The following MYH11 variants were observed in gnomAD, a reference collection of about 807,000 sequenced individuals.
MYH11 encodes myosin-11.
Under a neutral mutation model 246.6 loss-of-function variants are expected in MYH11, and 80 were observed. That is an observed-to-expected ratio of 0.32 (90% CI 0.27 to 0.39). The LOEUF (loss-of-function observed/expected upper bound fraction) is 0.39. Ranked by LOEUF, MYH11 falls within the 10% of genes least tolerant of loss-of-function variation. MYH11 has a pLI of 1.00. For synonymous variants in MYH11, 1,071 were observed against 1,015.5 expected (o/e 1.05, Z -1.04); for missense variants, 2,158 against 2,546.8 (o/e 0.85, Z 3.29).
intron 20 of MYH11, 183 bp from the exon 21 acceptor site, chr16:15,742,074 G>T: frequency 1.2e-6 from 1 of 860,208 alleles, no homozygotes; most frequent in Non-Finnish European, 1.9e-6. Context: ...GGCATCCAGT[G>T]GGTAGAGGCC....
At chr16:15,710,123 C>T (rs76812671) in intron 40 of MYH11, among the ~76,000 whole-genome samples, 3,447 of 152,228 alleles carry the variant, frequency 0.023, 133 homozygotes, top group African/African-American at 0.079. Context: ...GTATTCGTGT[C>T]GGAACTGGCA....
At chr16:15,728,433 C>T (rs1054230375) in intron 27 of MYH11, among the ~76,000 whole-genome samples, 1 of 152,198 alleles carries the variant, frequency 6.6e-6, no homozygotes, top group Non-Finnish European at 1.5e-5. Context: ...TTCAAGGCAA[C>T]AATCTGCCAC....
In MYH11 at chr16:15,738,653, TAA is replaced by T; in HGVS notation, c.3031_3032del (p.Leu1011AsnfsTer22). The part of the protein sequence containing the change: ...RKLLEERISD[L>X]TTNLAEEEEK... ...CTTCCTCTTCTGCAAGATTTGTCGT[TAA>T]GTCACTAATCCTCTCCTCAAGGAGT... is the stretch of plus-strand genomic sequence containing the variant. On this transcript the variant is annotated frameshift_variant, in exon 24 of 41. Coordinates refer to ENST00000300036, the MANE Select transcript of MYH11 (RefSeq NM_002474.3). LOFTEE classifies it high-confidence loss of function. 6.2e-7 allele frequency: 1 copy of T among 1,614,084 alleles called. No homozygotes were observed. Among genetic ancestry groups the T allele is most frequent in the Non-Finnish European group, 8.5e-7 (1 of 1,179,940 alleles).
At chr16:15,726,788 T>TC in intron 28 of MYH11, 60 bp downstream of exon 28, 1 of 1,596,368 alleles carries the variant, frequency 6.3e-7, no homozygotes, top group Middle Eastern at 1.7e-4. Flanking sequence ...AAGAGGCTCC[T>TC]CCCCACAGAA....
intron 3 of MYH11, among the ~76,000 whole-genome samples, chr16:15,811,425 C>T (rs1410240287): frequency 1.3e-5 from 2 of 152,108 alleles, no homozygotes; most frequent in Non-Finnish European, 2.9e-5. Context: ...AAGCTGGGTC[C>T]CCAGGTTTGA....
chr16:15,755,353 C>A (rs1279041649), intron 14 of MYH11, among the ~76,000 whole-genome samples: 1 of 152,184 alleles, frequency 6.6e-6, no homozygotes, highest in African/African-American at 2.4e-5. Context: ...CTGGCCAGAG[C>A]AGGCTGGCAA....
At chr16:15,704,964 C>G (rs1206770439) in intron 40 of MYH11, among the ~76,000 whole-genome samples, 1 of 152,140 alleles carries the variant, frequency 6.6e-6, no homozygotes, top group Non-Finnish European at 1.5e-5. Context: ...CAGGCGTGGG[C>G]CACCACACCT....
intron 28 of MYH11, chr16:15,726,369 C>CTT (rs781567624): frequency 2.1e-3 from 317 of 149,582 alleles, no homozygotes; most frequent in Middle Eastern, 7.2e-3. Flanking sequence ...GGTTTTTTTT[C>CTT]TTTTTTTTTT....
At chr16:15,843,486 C>A (rs1053331703) in intron 1 of MYH11, among the ~76,000 whole-genome samples, 1 of 149,248 alleles carries the variant, frequency 6.7e-6, no homozygotes, top group Non-Finnish European at 1.5e-5. Context: ...GTCAAGAGAT[C>A]GAGACCATCC....
intron 39 of MYH11, 41 bp from the exon 40 acceptor site, chr16:15,715,122 T>A (rs779077968): frequency 4.6e-6 from 7 of 1,522,740 alleles, no homozygotes. Context: ...GGAGGCCGGC[T>A]GGGGGCTGGG....
At chr16:15,801,717 A>C (rs768311420) in intron 3 of MYH11, among the ~76,000 whole-genome samples, 65 of 149,774 alleles carry the variant, frequency 4.3e-4, no homozygotes, top group Non-Finnish European at 5.6e-4. Flanking sequence ...AGCACTTCGG[A>C]AGGCTGAGGC....
In MYH11 at chr16:15,724,627, C is replaced by G; in HGVS notation, c.4116+20G>C. ...AAGTTGAGAGGACCCATGAAGGAAGCAAGGACACGGGGCAGGCACCTGGAT... is the reference window on the plus strand; with the variant it reads ...AAGTTGAGAGGACCCATGAAGGAAGGAAGGACACGGGGCAGGCACCTGGAT... On this transcript the variant is annotated intron_variant, in intron 30 of 40. Transcript: ENST00000300036. The G allele has an allele frequency of 1.9e-6, 3 of 1,613,600 alleles. No homozygotes were observed. The highest frequency in any genetic ancestry group is 2.2e-5 in the East Asian group (1 of 44,884).
intron 40 of MYH11, among the ~76,000 whole-genome samples, chr16:15,706,849 A>AAG (rs1178755673): frequency 3.3e-5 from 5 of 152,174 alleles, no homozygotes; most frequent in African/African-American, 1.2e-4. Context: ...CCCTTGACCT[A>AAG]AGAAATACAT....
At chr16:15,751,375 C>G (rs2041565996) in intron 15 of MYH11, among the ~76,000 whole-genome samples, 1 of 151,738 alleles carries the variant, frequency 6.6e-6, no homozygotes, top group Non-Finnish European at 1.5e-5. Flanking sequence ...GTTGGTCAGG[C>G]TGGTCTCGAA....
chr16:15,848,702 G>A (rs140117377), intron 1 of MYH11, among the ~76,000 whole-genome samples: 1 of 152,262 alleles, frequency 6.6e-6, no homozygotes, highest in Admixed American at 6.5e-5. Context: ...ACTGCTAGAT[G>A]TCCCCTGGGG....
chr16:15,792,153 G>A (rs1241609938), intron 4 of MYH11: 3 of 152,112 alleles, frequency 2.0e-5, no homozygotes, highest in African/African-American at 7.2e-5. Flanking sequence ...CGAACTCCTG[G>A]GTTCAAGTGA....
At position 15,717,324 on chromosome 16, in the gene MYH11, C is replaced by T; in HGVS notation, c.5320G>A (p.Ala1774Thr). The change falls in exon 38 of 41, where the codon GCC (alanine) becomes ACC (threonine). Residue 1774 changes from alanine (A) to threonine (T), a missense_variant. By Grantham distance (58) the Ala-to-Thr change is moderately conservative. Around this residue, in one of 11 missense-constraint regions of MYH11, gnomAD observed 1,013 missense variants for 993.5 expected, o/e 1.02. Coordinates refer to ENST00000300036, the MANE Select transcript of MYH11 (RefSeq NM_002474.3). ...TTCTGGGCCGTGCTGCGCTCTGTGG[C>T]CAGCTCGTTGCTGAGCTGCTCGGCC... Reference protein sequence around the residue: ...QQAEQLSNELATERSTAQKNE... With the variant: ...QQAEQLSNELTTERSTAQKNE... 1 of 1,610,004 alleles carries T rather than the reference C, an allele frequency of 6.2e-7. No homozygotes were observed. The highest frequency in any genetic ancestry group is 8.5e-7 in the Non-Finnish European group (1 of 1,180,018).
At chr16:15,725,241 A>G (rs1473929479) in intron 28 of MYH11, 1 of 599,286 alleles carries the variant, frequency 1.7e-6, no homozygotes, top group African/African-American at 1.9e-5. Flanking sequence ...CTGTGGTTCT[A>G]AGAACTTATT....
At chr16:15,719,547 C>A in intron 35 of MYH11, 38 bp downstream of exon 35, 1 of 1,613,000 alleles carries the variant, frequency 6.2e-7, no homozygotes, top group Non-Finnish European at 8.5e-7. Context: ...TACCGTGACA[C>A]CCGCATCTGA....
Sources: allele counts gnomAD v4.1 joint callset (sites outside exome capture counted in the v4.1 genomes callset), GRCh38; gene constraint gnomAD v4.1.1; regional missense constraint gnomAD v4.1.1; transcripts MANE v1.5; gene names NCBI Gene and HGNC (gene_info 2026-07-23, HGNC 2026-07-21).